The following PLXNA4 variants were observed in gnomAD, a reference collection of about 807,000 sequenced individuals.
The protein encoded by PLXNA4 is plexin-A4.
A neutral mutation model predicts 191.8 loss-of-function variants in PLXNA4; 44 were observed. That is an observed-to-expected ratio of 0.23 (90% CI 0.18 to 0.29). The LOEUF is 0.29. PLXNA4 is among the 10% of genes least tolerant of loss of function. The pLI, the probability that PLXNA4 is intolerant of heterozygous loss-of-function variation, is 1.00. For missense variants in PLXNA4, 1,800 were observed against 2,488.8 expected (o/e 0.72, Z 5.89); for synonymous variants, 1,082 against 1,009.5 (o/e 1.07, Z -1.36).
chr7:132,549,280 C>T (rs932525767), intron 1 of PLXNA4, among the ~76,000 whole-genome samples: 1 of 152,140 alleles, frequency 6.6e-6, no homozygotes, highest in Non-Finnish European at 1.5e-5. Flanking sequence ...GGGTCTGGAT[C>T]AGGATGCTTT....
At chr7:132,538,923 C>T (rs2116488497) in intron 1 of PLXNA4, among the ~76,000 whole-genome samples, 1 of 152,350 alleles carries the variant, frequency 6.6e-6, no homozygotes, top group South Asian at 2.1e-4. Context: ...GAATGAAAAT[C>T]TGATAGTCAC....
At chr7:132,269,325 C>T (rs1417783727) in intron 4 of PLXNA4, among the ~76,000 whole-genome samples, 1 of 152,172 alleles carries the variant, frequency 6.6e-6, no homozygotes, top group Admixed American at 6.5e-5. Flanking sequence ...AGGTTCACAG[C>T]AAATTTGAGC....
At chr7:132,483,492 T>C (rs1797419474) in intron 3 of PLXNA4, among the ~76,000 whole-genome samples, 1 of 152,244 alleles carries the variant, frequency 6.6e-6, no homozygotes, top group African/African-American at 2.4e-5. Flanking sequence ...ATTTTAATGA[T>C]ATGTTTTTGT....
intron 3 of PLXNA4, among the ~76,000 whole-genome samples, chr7:132,460,196 GT>G (rs1401900597): frequency 6.6e-6 from 1 of 151,886 alleles, no homozygotes; most frequent in Non-Finnish European, 1.5e-5. Flanking sequence ...TCTGCCAAAA[GT>G]TTTTTAAAAA....
chr7:132,531,333 GATTA>G (rs1354980982), intron 1 of PLXNA4, among the ~76,000 whole-genome samples: 1 of 152,148 alleles, frequency 6.6e-6, no homozygotes. Flanking sequence ...ACATGTTACA[GATTA>G]ATTAATAACA....
chr7:132,187,362 G>T, intron 15 of PLXNA4, 109 bp downstream of exon 15: 1 of 1,487,620 alleles, frequency 6.7e-7, no homozygotes, highest in Non-Finnish European at 9.0e-7. Flanking sequence ...AACCTGTCAG[G>T]TGGTTACACC....
At chr7:132,142,740 C>T (rs905479849) in intron 29 of PLXNA4, among the ~76,000 whole-genome samples, 1 of 152,212 alleles carries the variant, frequency 6.6e-6, no homozygotes, top group Non-Finnish European at 1.5e-5. Flanking sequence ...GGGGTCATTC[C>T]AGCTGCCCAG....
intron 3 of PLXNA4, among the ~76,000 whole-genome samples, chr7:132,313,118 C>T (rs1801810527): frequency 6.6e-6 from 1 of 152,236 alleles, no homozygotes; most frequent in African/African-American, 2.4e-5. Context: ...CAACCTCCCT[C>T]TCTGCCTACC....
At chr7:132,256,753 C>G (rs1255955154) in intron 4 of PLXNA4, among the ~76,000 whole-genome samples, 1 of 152,182 alleles carries the variant, frequency 6.6e-6, no homozygotes, top group Admixed American at 6.5e-5. Context: ...AACCCATGAC[C>G]CTGTTAATGG....
chr7:132,229,053 G>T (rs954360233), intron 5 of PLXNA4, among the ~76,000 whole-genome samples: 67 of 152,154 alleles, frequency 4.4e-4, no homozygotes, highest in Non-Finnish European at 1.9e-4. Context: ...TTCTTAGATT[G>T]TATGACAATT....
intron 15 of PLXNA4, among the ~76,000 whole-genome samples, 160 bp downstream of exon 15, chr7:132,187,311 T>A (rs1796912567): frequency 6.6e-6 from 1 of 152,214 alleles, no homozygotes; most frequent in African/African-American, 2.4e-5. Flanking sequence ...GCAATAATGC[T>A]GTCTCAGGAA....
At chr7:132,475,314 C>A (rs1797080860) in intron 3 of PLXNA4, among the ~76,000 whole-genome samples, 1 of 152,144 alleles carries the variant, frequency 6.6e-6, no homozygotes, top group Non-Finnish European at 1.5e-5. Context: ...TTCAAGCTGC[C>A]CCCCAGCTCC....
In PLXNA4 at chr7:132,130,519, T is replaced by C; in HGVS notation, c.5645A>G (p.Lys1882Arg). The change falls in exon 32 of 32, where the codon AAA becomes AGA. Residue 1882 changes from lysine (K) to arginine (R), a missense_variant. This residue lies in a region of PLXNA4 where 83 missense variants were observed against 81.6 expected (regional missense o/e 1.02). Coordinates refer to ENST00000321063, the MANE Select transcript of PLXNA4 (RefSeq NM_020911.2). ...DQCGKQKLAY[K>R]LEQVITLMSL... is the part of the protein sequence containing the mutation. ...CATGAGGGTTATGACTTGTTCTAGT[T>C]TGTAGGCCAGTTTCTGCTTCCCACA... The C allele has an allele frequency of 6.2e-7, 1 of 1,614,146 alleles. No individual in the cohort carries two copies. Among genetic ancestry groups the C allele is most frequent in the East Asian group, 2.2e-5 (1 of 44,860 alleles).
At position 132,629,339 on chromosome 7, in the gene PLXNA4, G is replaced by A. The variant is rs1236087224; in HGVS notation, c.-87+16589C>T. ...CTCCAGAGAGGAAAGCTTCATTCCTGCACTAAAGTCATAGATAGATACCTG... is the reference window on the plus strand; with the variant it reads ...CTCCAGAGAGGAAAGCTTCATTCCTACACTAAAGTCATAGATAGATACCTG... On this transcript the variant is annotated intron_variant, in intron 2 of 4. Coordinates refer to the PLXNA4 transcript ENST00000378539. Among the ~76,000 whole-genome samples, 4 of 152,172 alleles carry A rather than the reference G, an allele frequency of 2.6e-5. No individual in the cohort carries two copies. The East Asian group carries it at 7.7e-4, about 29-fold the overall frequency.
chr7:132,190,025 G>A (rs565131094), intron 14 of PLXNA4, among the ~76,000 whole-genome samples: 10 of 152,282 alleles, frequency 6.6e-5, no homozygotes, highest in Admixed American at 3.9e-4. Context: ...CCAGATCAAT[G>A]CATATTTGCC....
chr7:132,351,421 C>T (rs1045380179), intron 3 of PLXNA4, among the ~76,000 whole-genome samples: 6 of 152,256 alleles, frequency 3.9e-5, no homozygotes, highest in African/African-American at 9.6e-5. Context: ...TTCCATAAAG[C>T]GGATTCAGTT....
chr7:132,498,392 G>GACAGGT (rs1368859753), intron 2 of PLXNA4, among the ~76,000 whole-genome samples: 1 of 152,168 alleles, frequency 6.6e-6, no homozygotes, highest in Admixed American at 6.5e-5. Flanking sequence ...GGAGGAGGAA[G>GACAGGT]ACAGGTCTTA....
intron 4 of PLXNA4, among the ~76,000 whole-genome samples, chr7:132,268,193 C>T (rs572505787): frequency 9.2e-5 from 14 of 152,284 alleles, no homozygotes; most frequent in East Asian, 1.9e-4. Flanking sequence ...TGAGATACAA[C>T]GTGGCTGGCA....
intron 3 of PLXNA4, among the ~76,000 whole-genome samples, chr7:132,458,810 A>G (rs1796398012): frequency 6.6e-6 from 1 of 152,178 alleles, no homozygotes; most frequent in Admixed American, 6.5e-5. Flanking sequence ...ACAGTGCAAT[A>G]AAAAGTTACC....
Sources: allele counts gnomAD v4.1 joint callset (sites outside exome capture counted in the v4.1 genomes callset), GRCh38; gene constraint gnomAD v4.1.1; regional missense constraint gnomAD v4.1.1; transcripts MANE v1.5; gene names NCBI Gene and HGNC (gene_info 2026-07-23, HGNC 2026-07-21).